The following DTNA variants were observed in gnomAD, a reference collection of about 807,000 sequenced individuals.
DTNA encodes the protein dystrobrevin alpha.
Under a neutral mutation model 100.7 loss-of-function variants are expected in DTNA, and 43 were observed. The ratio of observed to expected loss-of-function variants is 0.43; its 90% CI spans 0.33 to 0.55. The LOEUF is 0.55. Among genes scored for constraint, DTNA ranks in the 20% least tolerant of loss-of-function variants. The pLI is 0.04. For missense variants in DTNA, 798 were observed against 953.9 expected, an observed-to-expected ratio of 0.84 and a Z score of 2.15; for synonymous variants, 349 against 347.9, an observed-to-expected ratio of 1.00 and a Z score of -0.04.
chr18:34,507,425 T>C (rs758791406), intron 1 of DTNA, among the ~76,000 whole-genome samples: 24 of 152,208 alleles, frequency 1.6e-4, no homozygotes, highest in Non-Finnish European at 3.1e-4. Context: ...TATTATTAAT[T>C]TCTTTTGATG....
intron 1 of DTNA, among the ~76,000 whole-genome samples, chr18:34,732,652 G>T (rs933032918): frequency 6.6e-6 from 1 of 152,176 alleles, no homozygotes; most frequent in Non-Finnish European, 1.5e-5. Context: ...AGCTGGAAAA[G>T]ACATTCTTCT....
At chr18:34,556,651 A>G (rs1399300568) in intron 1 of DTNA, among the ~76,000 whole-genome samples, 2 of 152,006 alleles carry the variant, frequency 1.3e-5, no homozygotes, top group Non-Finnish European at 2.9e-5. Flanking sequence ...GCTGGATATG[A>G]AATTCTGGGT....
chr18:34,533,050 A>G (rs1378606602), intron 1 of DTNA, among the ~76,000 whole-genome samples: 2 of 151,976 alleles, frequency 1.3e-5, no homozygotes, highest in Non-Finnish European at 2.9e-5. Context: ...AGATGTCAAA[A>G]GTAGACTCAC....
chr18:34,659,623 GACACACACAGACAC>G (rs1489031636), intron 1 of DTNA, among the ~76,000 whole-genome samples: 3 of 140,856 alleles, frequency 2.1e-5, no homozygotes, highest in Non-Finnish European at 4.5e-5. Context: ...CATACACACA[GACACACACAGACAC>G]ACACACACAC....
At chr18:34,539,239 A>G (rs1220365280) in intron 1 of DTNA, among the ~76,000 whole-genome samples, 2 of 151,806 alleles carry the variant, frequency 1.3e-5, no homozygotes, top group Non-Finnish European at 2.9e-5. Context: ...GTGAAATTTT[A>G]CTTCTAGGAT....
intron 1 of DTNA, among the ~76,000 whole-genome samples, chr18:34,635,429 C>G (rs1362610168): frequency 6.6e-6 from 1 of 152,150 alleles, no homozygotes; most frequent in Non-Finnish European, 1.5e-5. Flanking sequence ...TTAATAGGAA[C>G]CTCCACACTG....
chr18:34,829,197 T>A, intron 10 of DTNA: 1 of 1,585,096 alleles, frequency 6.3e-7, no homozygotes, highest in South Asian at 1.1e-5. Flanking sequence ...CCATTTTCAG[T>A]CATTTTGGAA....
chr18:34,828,277 A>G (rs370744151), intron 10 of DTNA, among the ~76,000 whole-genome samples: 4 of 152,336 alleles, frequency 2.6e-5, no homozygotes, highest in South Asian at 2.1e-4. Flanking sequence ...ATATTTCTCT[A>G]AGAGTTAGCA....
At position 34,710,398 on chromosome 18, in the gene DTNA, C is replaced by G. The variant is rs1008988493; in HGVS notation, c.-49C>G. ...ATAGTTTTCAGCATATGTAGTACTT[C>G]AGAGGAAGAATTAAGGGGCATGTTG... On this transcript the variant is annotated 5_prime_UTR_variant, in exon 1 of 23. Transcript: ENST00000444659. 1 of 152,118 alleles carries G rather than the reference C, an allele frequency of 6.6e-6. No homozygotes were observed. Among genetic ancestry groups the G allele is most frequent in the Non-Finnish European group, 1.5e-5 (1 of 68,040 alleles). The allele number at this position is 152,118 out of a possible 1,614,324, so 9.4% of individuals were successfully genotyped here. A position where few individuals can be genotyped will look rare whatever the true frequency, so the allele number is the denominator to read the frequency against.
At chr18:34,874,275 C>G (rs926751796) in intron 17 of DTNA, among the ~76,000 whole-genome samples, 1 of 152,170 alleles carries the variant, frequency 6.6e-6, no homozygotes, top group Non-Finnish European at 1.5e-5. Context: ...CCACAGCAAA[C>G]AGACTGGGAT....
chr18:34,841,092 C>G (rs1294475444), intron 13 of DTNA, among the ~76,000 whole-genome samples: 2 of 152,076 alleles, frequency 1.3e-5, no homozygotes, highest in Non-Finnish European at 2.9e-5. Flanking sequence ...TTAAAGTAAG[C>G]CCATGGAGTA....
At chr18:34,685,955 A>G (rs546022704) in intron 1 of DTNA, among the ~76,000 whole-genome samples, 1 of 152,176 alleles carries the variant, frequency 6.6e-6, no homozygotes, top group African/African-American at 2.4e-5. Context: ...TTACTGGTGT[A>G]TAGGAATGCT....
At chr18:34,817,066 A>G (rs1313479862) in intron 7 of DTNA, among the ~76,000 whole-genome samples, 1 of 152,204 alleles carries the variant, frequency 6.6e-6, no homozygotes, top group Non-Finnish European at 1.5e-5. Context: ...GTCATTTTCC[A>G]ATCATAAAGC....
At chr18:34,817,994 A>G in intron 7 of DTNA, 170 bp from the exon 8 acceptor site, 4 of 1,508,288 alleles carry the variant, frequency 2.7e-6, no homozygotes, top group South Asian at 2.5e-5. Context: ...ATGATTGAAA[A>G]GGGTTGTAAG....
At chr18:34,724,928 C>T (rs1388825697) in intron 1 of DTNA, among the ~76,000 whole-genome samples, 1 of 152,144 alleles carries the variant, frequency 6.6e-6, no homozygotes, top group African/African-American at 2.4e-5. Context: ...AATAACACCT[C>T]AGAAATAATA....
At chr18:34,705,204 G>T (rs1249967382) in intron 1 of DTNA, among the ~76,000 whole-genome samples, 1 of 152,118 alleles carries the variant, frequency 6.6e-6, no homozygotes, top group Non-Finnish European at 1.5e-5. Flanking sequence ...AACAGATTTT[G>T]ATCTGGGAGA....
intron 1 of DTNA, among the ~76,000 whole-genome samples, chr18:34,556,170 T>G (rs2046019786): frequency 6.6e-6 from 1 of 151,766 alleles, no homozygotes; most frequent in Non-Finnish European, 1.5e-5. Context: ...AAGGTCTGTT[T>G]TATCAGAGAC....
At chr18:34,580,244 T>G (rs2048487764) in intron 1 of DTNA, among the ~76,000 whole-genome samples, 1 of 152,194 alleles carries the variant, frequency 6.6e-6, no homozygotes, top group Non-Finnish European at 1.5e-5. Context: ...TATATCTTTT[T>G]AACATATCTA....
chr18:34,886,991 T>C (rs1305757189), intron 22 of DTNA, among the ~76,000 whole-genome samples: 1 of 152,204 alleles, frequency 6.6e-6, no homozygotes, highest in Non-Finnish European at 1.5e-5. Context: ...TCCCAAAGTA[T>C]ATGTGTCTCT....
Sources: allele counts gnomAD v4.1 joint callset (sites outside exome capture counted in the v4.1 genomes callset), GRCh38; gene constraint gnomAD v4.1.1; transcripts MANE v1.5; gene names NCBI Gene and HGNC (gene_info 2026-07-23, HGNC 2026-07-21).